The following SNTG2 variants were observed in gnomAD, a reference collection of about 807,000 sequenced individuals.
SNTG2 encodes the protein gamma-2-syntrophin.
SNTG2 carries 74 observed loss-of-function variants against 70.9 expected under a neutral mutation model. That is an observed-to-expected ratio of 1.04 (90% confidence interval 0.86 to 1.27). The LOEUF (loss-of-function observed/expected upper bound fraction) is 1.27, where lower values mean the gene tolerates loss of function less well. Ranked by LOEUF, SNTG2 falls within the 50% of genes most tolerant of loss-of-function variation. SNTG2 has a pLI of 0.00. For missense variants in SNTG2, 717 were observed against 690.7 expected (o/e 1.04, Z -0.43); for synonymous variants, 278 against 273.8 (o/e 1.02, Z -0.15).
chr2:1,154,787 C>A (rs545606398), intron 6 of SNTG2, among the ~76,000 whole-genome samples: 1 of 152,022 alleles, frequency 6.6e-6, no homozygotes, highest in Non-Finnish European at 1.5e-5. Flanking sequence ...CACCTTCCTT[C>A]TACCTCCAAC....
At chr2:1,203,684 A>ATG (rs1460485227) in intron 8 of SNTG2, among the ~76,000 whole-genome samples, 1 of 145,192 alleles carries the variant, frequency 6.9e-6, no homozygotes, top group Non-Finnish European at 1.5e-5. Context: ...ATATATATAT[A>ATG]TATATATGTG....
intron 9 of SNTG2, among the ~76,000 whole-genome samples, chr2:1,215,314 T>C (rs929621156): frequency 2.0e-5 from 3 of 152,190 alleles, no homozygotes; most frequent in Non-Finnish European, 2.9e-5. Flanking sequence ...AGAATTGGTA[T>C]AAGTTTTTCA....
At chr2:1,190,281 C>T (rs1672499905) in intron 8 of SNTG2, among the ~76,000 whole-genome samples, 1 of 151,780 alleles carries the variant, frequency 6.6e-6, no homozygotes. Context: ...TGCCCACGTT[C>T]TCCCATATAC....
chr2:1,298,732 T>C (rs1680325013), intron 14 of SNTG2, among the ~76,000 whole-genome samples: 1 of 152,196 alleles, frequency 6.6e-6, no homozygotes. Flanking sequence ...ACACAAAGTA[T>C]TGATCCTGGG....
chr2:1,101,060 A>G (rs1665752785), intron 4 of SNTG2, among the ~76,000 whole-genome samples: 1 of 152,186 alleles, frequency 6.6e-6, no homozygotes, highest in South Asian at 2.1e-4. Flanking sequence ...TCTTCAGACC[A>G]TGCTGATGCC....
At chr2:1,151,560 G>A (rs4971394) in intron 6 of SNTG2, among the ~76,000 whole-genome samples, 19,206 of 152,124 alleles carry the variant, frequency 0.13, 1,787 homozygotes, top group East Asian at 0.43. Flanking sequence ...GCCCACGTGC[G>A]CCCCTTGCTT....
At chr2:1,281,220 T>TGTGTGTGC (rs1558175636) in intron 14 of SNTG2, among the ~76,000 whole-genome samples, 1 of 142,998 alleles carries the variant, frequency 7.0e-6, no homozygotes, top group African/African-American at 2.6e-5. Context: ...TGTGTGTGTG[T>TGTGTGTGC]TTGTGTTTAT....
At chr2:1,009,130 G>A (rs1421905973) in intron 1 of SNTG2, among the ~76,000 whole-genome samples, 1 of 152,234 alleles carries the variant, frequency 6.6e-6, no homozygotes, top group African/African-American at 2.4e-5. Flanking sequence ...TCTGGTCCTG[G>A]ATCGTGTGTA....
intron 6 of SNTG2, among the ~76,000 whole-genome samples, chr2:1,147,524 A>C (rs1669179690): frequency 6.6e-6 from 1 of 152,234 alleles, no homozygotes; most frequent in African/African-American, 2.4e-5. Flanking sequence ...TTTGGAACTC[A>C]GACTGGCTTC....
intron 16 of SNTG2, among the ~76,000 whole-genome samples, chr2:1,361,555 T>G (rs1293996004): frequency 6.6e-6 from 1 of 152,226 alleles, no homozygotes; most frequent in Non-Finnish European, 1.5e-5. Flanking sequence ...TGGGAAATGC[T>G]GCTGTGTTGA....
At chr2:1,025,663 C>G (rs1660440294) in intron 1 of SNTG2, among the ~76,000 whole-genome samples, 1 of 152,132 alleles carries the variant, frequency 6.6e-6, no homozygotes, top group Admixed American at 6.5e-5. Context: ...GCAGCGTCTC[C>G]AAATCTCACT....
rs114039298 is a variant in SNTG2 at position 1,312,820 on chromosome 2, G to A, written c.1378-3445G>A. ...CTAGGAACAGGATTCCTGTGGGGCT[G>A]AGTTAAGGTTGATGGAGAGGAACAA... On this transcript the variant is annotated intron_variant, in intron 15 of 16. Coordinates refer to ENST00000308624, the MANE Select transcript of SNTG2 (RefSeq NM_018968.4). Among the ~76,000 whole-genome samples, 712 of 152,320 alleles carry A rather than the reference G, an allele frequency of 4.7e-3. 7 individuals carry two copies. The highest frequency in any genetic ancestry group is 0.016 in the African/African-American group (671 of 41,576).
chr2:1,044,791 C>T (rs530151096), intron 1 of SNTG2, among the ~76,000 whole-genome samples: 102 of 152,120 alleles, frequency 6.7e-4, no homozygotes, highest in South Asian at 1.5e-3. Flanking sequence ...ATTTAGTTTG[C>T]TAGTATTTTG....
intron 16 of SNTG2, among the ~76,000 whole-genome samples, chr2:1,354,895 A>T (rs1660760240): frequency 6.6e-6 from 1 of 152,248 alleles, no homozygotes; most frequent in Admixed American, 6.5e-5. Flanking sequence ...ACCTCTGGGT[A>T]GACGTTTCAC....
At chr2:1,311,821 C>T (rs1681006119) in intron 15 of SNTG2, among the ~76,000 whole-genome samples, 1 of 152,176 alleles carries the variant, frequency 6.6e-6, no homozygotes. Context: ...ATAATTAGCA[C>T]TTTTACACCA....
At chr2:1,031,556 A>C (rs1660840428) in intron 1 of SNTG2, among the ~76,000 whole-genome samples, 1 of 72,758 alleles carries the variant, frequency 1.4e-5, no homozygotes, top group African/African-American at 6.1e-5. Context: ...TTTGAGGCGA[A>C]ATCTCACTCC....
chr2:1,352,389 G>A (rs1437799860), intron 16 of SNTG2, among the ~76,000 whole-genome samples: 5 of 151,864 alleles, frequency 3.3e-5, no homozygotes, highest in Admixed American at 6.6e-5. Context: ...AGCTCCTTTG[G>A]ACTGGGATGC....
intron 16 of SNTG2, among the ~76,000 whole-genome samples, chr2:1,333,281 C>A (rs1352914828): frequency 2.6e-5 from 4 of 152,180 alleles, no homozygotes; most frequent in Non-Finnish European, 4.4e-5. Flanking sequence ...CTACAAAACA[C>A]TGCTGAAAGA....
At chr2:1,004,904 A>G (rs1659519217) in intron 1 of SNTG2, among the ~76,000 whole-genome samples, 2 of 152,204 alleles carry the variant, frequency 1.3e-5, no homozygotes, top group Non-Finnish European at 2.9e-5. Context: ...TTTTATAATT[A>G]TGTATAATTG....
Sources: allele counts gnomAD v4.1 joint callset (sites outside exome capture counted in the v4.1 genomes callset), GRCh38; gene constraint gnomAD v4.1.1; transcripts MANE v1.5; gene names NCBI Gene and HGNC (gene_info 2026-07-23, HGNC 2026-07-21).